PCDH15: variants seen among roughly 807,000 people sequenced by gnomAD.
PCDH15 encodes protocadherin-15.
Under a neutral mutation model 178.5 loss-of-function variants are expected in PCDH15, and 129 were observed. The observed-to-expected ratio is 0.72, with a 90% CI of 0.63 to 0.84. PCDH15 has a LOEUF of 0.84. Ranked by LOEUF, PCDH15 falls within the 40% of genes least tolerant of loss-of-function variation. PCDH15 has a pLI of 0.00. For synonymous variants in PCDH15, 800 were observed against 732.0 expected (o/e 1.09, Z -1.50); for missense variants, 2,230 against 2,099.9 (o/e 1.06, Z -1.21).
chr10:55,063,711 A>G (rs1841497176), intron 2 of PCDH15, among the ~76,000 whole-genome samples: 1 of 152,182 alleles, frequency 6.6e-6, no homozygotes, highest in South Asian at 2.1e-4. Flanking sequence ...CATTAACAGT[A>G]TTCAAATCAA....
intron 26 of PCDH15, among the ~76,000 whole-genome samples, chr10:53,900,824 T>C (rs1050367746): frequency 2.6e-5 from 4 of 152,182 alleles, no homozygotes; most frequent in African/African-American, 4.8e-5. Context: ...TCCCATCAGA[T>C]AATGCCACCC....
At chr10:54,581,053 T>C (rs1467366289) in intron 2 of PCDH15, among the ~76,000 whole-genome samples, 2 of 152,036 alleles carry the variant, frequency 1.3e-5, no homozygotes, top group African/African-American at 4.8e-5. Context: ...GCAAGGATGC[T>C]CACTTTCACT....
chr10:54,325,760 G>A (rs1193938774), intron 7 of PCDH15, among the ~76,000 whole-genome samples: 4 of 151,822 alleles, frequency 2.6e-5, no homozygotes, highest in Non-Finnish European at 5.9e-5. Flanking sequence ...CTCCCAAAAA[G>A]AAAATCCAGG....
intron 2 of PCDH15, among the ~76,000 whole-genome samples, chr10:54,964,881 G>A (rs1468596558): frequency 6.6e-6 from 1 of 152,170 alleles, no homozygotes; most frequent in Non-Finnish European, 1.5e-5. Context: ...GAATGATAAT[G>A]TATTCTCAGC....
chr10:54,930,072 A>G (rs1837732621), intron 2 of PCDH15, among the ~76,000 whole-genome samples: 1 of 152,194 alleles, frequency 6.6e-6, no homozygotes, highest in East Asian at 1.9e-4. Flanking sequence ...CAGCTGTGCC[A>G]ATAGTAAAAG....
intron 15 of PCDH15, among the ~76,000 whole-genome samples, chr10:54,121,857 A>AATC (rs148246192): frequency 7.9e-5 from 12 of 152,268 alleles, no homozygotes; most frequent in African/African-American, 2.9e-4. Context: ...CAGTCCAGAT[A>AATC]GATTAACAGC....
chr10:54,878,439 G>A (rs956741755), intron 3 of PCDH15, among the ~76,000 whole-genome samples: 10 of 152,110 alleles, frequency 6.6e-5, no homozygotes, highest in South Asian at 2.1e-4. Context: ...GAGTGTATAC[G>A]AGTTAATCAG....
intron 32 of PCDH15, 50 bp downstream of exon 32, chr10:53,827,343 A>G: frequency 6.4e-7 from 1 of 1,556,630 alleles, no homozygotes; most frequent in Non-Finnish European, 8.7e-7. Flanking sequence ...CACCACACAG[A>G]ATTCAGTAAA....
intron 8 of PCDH15, among the ~76,000 whole-genome samples, chr10:54,267,136 A>T (rs2057743592): frequency 6.6e-6 from 1 of 151,972 alleles, no homozygotes. Flanking sequence ...ATGCAAATCA[A>T]TTAATGTGAT....
intron 3 of PCDH15, among the ~76,000 whole-genome samples, chr10:54,844,822 T>C (rs547807476): frequency 2.6e-5 from 4 of 152,066 alleles, no homozygotes; most frequent in South Asian, 4.1e-4. Context: ...ACGGCCATTA[T>C]GCATGCACTT....
intron 2 of PCDH15, among the ~76,000 whole-genome samples, chr10:54,957,290 G>C (rs1335219159): frequency 1.3e-5 from 2 of 151,530 alleles, no homozygotes; most frequent in Middle Eastern, 3.2e-3. Flanking sequence ...AAGGAGGTTA[G>C]GAGAATCCTT....
At chr10:54,180,631 A>C (rs1201671434) in intron 13 of PCDH15, among the ~76,000 whole-genome samples, 2 of 152,162 alleles carry the variant, frequency 1.3e-5, no homozygotes, top group Non-Finnish European at 1.5e-5. Context: ...ATGACTCTTA[A>C]AGGGTATATG....
At chr10:54,049,859 T>C (rs900706327) in intron 18 of PCDH15, among the ~76,000 whole-genome samples, 17 of 152,148 alleles carry the variant, frequency 1.1e-4, no homozygotes, top group African/African-American at 3.9e-4. Context: ...GACCTTGTGA[T>C]CCACCCTCCT....
chr10:53,951,336 T>C (rs1282981405), intron 23 of PCDH15, among the ~76,000 whole-genome samples: 1 of 48,980 alleles, frequency 2.0e-5, no homozygotes, highest in Admixed American at 2.7e-4. Context: ...CACCAAAAAA[T>C]GAAGCTAGTT....
rs117517404 is a variant in PCDH15 at position 54,961,405 on chromosome 10, C to T, written c.-79-63905G>A. ...GCTATGGATGGCATGTTGATGGTGG[C>T]GAGAGGCAGGTTTTTAGGTGGGAAT... On this transcript the variant is annotated intron_variant, in intron 2 of 5. Coordinates refer to the PCDH15 transcript ENST00000458638. Among the ~76,000 whole-genome samples the T allele has an allele frequency of 1.5e-3, 222 of 152,274 alleles. 1 individual carries two copies. Among genetic ancestry groups the T allele is most frequent in the Non-Finnish European group, 2.8e-3 (189 of 68,036 alleles).
intron 26 of PCDH15, among the ~76,000 whole-genome samples, chr10:53,889,704 T>G (rs2081419153): frequency 6.6e-6 from 1 of 152,174 alleles, no homozygotes. Flanking sequence ...CCTAAGTATA[T>G]TTGTAATATT....
chr10:54,687,522 T>C (rs558243691), intron 1 of PCDH15, among the ~76,000 whole-genome samples: 103 of 152,274 alleles, frequency 6.8e-4, no homozygotes, highest in African/African-American at 2.5e-3. Context: ...TTGAATCTTA[T>C]GCTTGGCTAG....
chr10:54,312,494 A>T (rs926935400), intron 8 of PCDH15, among the ~76,000 whole-genome samples: 55 of 152,112 alleles, frequency 3.6e-4, no homozygotes, highest in African/African-American at 1.3e-3. Context: ...ATTTGACTAC[A>T]ACAGAACTGA....
intron 1 of PCDH15, among the ~76,000 whole-genome samples, chr10:54,796,274 GTATC>G (rs1319257760): frequency 1.8e-5 from 1 of 56,960 alleles, no homozygotes; most frequent in Non-Finnish European, 3.8e-5. Context: ...ATCTATCTAT[GTATC>G]TATGTATCTA....
Sources: gnomAD v4.1 joint callset for allele counts (sites outside exome capture counted in the v4.1 genomes callset) on GRCh38, gnomAD v4.1.1 for gene constraint, MANE v1.5 for transcripts, NCBI Gene and HGNC (gene_info 2026-07-23, HGNC 2026-07-21) for gene names.